The following FER variants were observed in gnomAD, a reference collection of about 807,000 sequenced individuals.
FER encodes tyrosine-protein kinase Fer.
A neutral mutation model predicts 111.0 loss-of-function variants in FER; 63 were observed. The observed-to-expected ratio is 0.57, with a 90% CI of 0.46 to 0.70. The LOEUF is 0.70. Ranked by LOEUF, FER falls within the 30% of genes least tolerant of loss-of-function variation. FER has a pLI of 0.00. For missense variants in FER, 914 were observed against 954.0 expected (o/e 0.96, Z 0.55); for synonymous variants, 327 against 313.9 (o/e 1.04, Z -0.44).
At chr5:109,052,130 CTTTCTTGTTCAG>C (rs2149929820) in intron 16 of FER, 1 of 1,605,374 alleles carries the variant, frequency 6.2e-7, no homozygotes, top group African/African-American at 1.3e-5. Context: ...AGTTCCTCCT[CTTTCTTGTTCAG>C]TTTCTCTTCC....
At chr5:108,993,642 A>AGGGTGAGGGCGT (rs1763612061) in intron 13 of FER, among the ~76,000 whole-genome samples, 1 of 146,696 alleles carries the variant, frequency 6.8e-6, no homozygotes, top group Non-Finnish European at 1.5e-5. Flanking sequence ...GGTGAGGGCG[A>AGGGTGAGGGCGT]GGGCGAGGGC....
chr5:108,952,565 A>G (rs1167698162), intron 11 of FER, among the ~76,000 whole-genome samples: 1 of 138,206 alleles, frequency 7.2e-6, no homozygotes, highest in Non-Finnish European at 1.7e-5. Context: ...GGAATAACAG[A>G]TCTTTGAGCT....
chr5:109,021,058 ATAATTT>A (rs1767859132), intron 13 of FER, among the ~76,000 whole-genome samples: 1 of 152,032 alleles, frequency 6.6e-6, no homozygotes, highest in South Asian at 2.1e-4. Flanking sequence ...ATTAAGTAGA[ATAATTT>A]TAGTGTAGCT....
chr5:109,051,966 G>A, intron 16 of FER: 1 of 1,588,540 alleles, frequency 6.3e-7, no homozygotes, highest in Non-Finnish European at 8.6e-7. Flanking sequence ...TCACCTCAAA[G>A]ATAGACTTGA....
chr5:108,935,610 A>G (rs550368962), intron 10 of FER, among the ~76,000 whole-genome samples: 1 of 152,270 alleles, frequency 6.6e-6, no homozygotes, highest in Admixed American at 6.5e-5. Flanking sequence ...TTAATTATCA[A>G]GAAAGTTCTC....
intron 9 of FER, chr5:108,894,421 G>T (rs1748715405): frequency 1.6e-6 from 1 of 611,844 alleles, no homozygotes; most frequent in Non-Finnish European, 2.5e-6. Flanking sequence ...GCTGGCAACT[G>T]CATGTATCGG....
At chr5:108,907,629 G>A (rs555256262) in intron 10 of FER, among the ~76,000 whole-genome samples, 1 of 152,120 alleles carries the variant, frequency 6.6e-6, no homozygotes, top group Non-Finnish European at 1.5e-5. Context: ...TAGTGCCATG[G>A]ATGTAGATAA....
intron 13 of FER, among the ~76,000 whole-genome samples, chr5:108,986,110 T>A (rs78998583): frequency 0.26 from 38,256 of 149,116 alleles, 5,184 homozygotes; most frequent in African/African-American, 0.36. Context: ...TTATTTTTTG[T>A]TTTTTTTATT....
rs537000843 is a variant in FER, at chr5:108,763,859, C to G, written c.-205-4234C>G. Among the ~76,000 whole-genome samples, 317 of 152,300 alleles carry G rather than the reference C, an allele frequency of 2.1e-3. 3 individuals carry two copies. Among genetic ancestry groups the G allele is most frequent in the African/African-American group, 7.1e-3 (294 of 41,562 alleles). ...GGGCAAAATATTTTCAGACATTTCT[C>G]CGTTTCTCTTCTCTTGGTTCTTTGT... On this transcript the variant is annotated intron_variant, in intron 1 of 19. Transcript: ENST00000281092.
intron 16 of FER, among the ~76,000 whole-genome samples, chr5:109,058,108 A>G (rs745557910): frequency 6.6e-6 from 1 of 152,192 alleles, no homozygotes; most frequent in African/African-American, 2.4e-5. Flanking sequence ...TAGAAATTAT[A>G]TGATTATTTA....
At chr5:109,011,807 A>G (rs920148743) in intron 13 of FER, among the ~76,000 whole-genome samples, 7 of 152,112 alleles carry the variant, frequency 4.6e-5, no homozygotes, top group African/African-American at 1.7e-4. Context: ...GGGACAAAAG[A>G]CCTCCAAAAC....
chr5:109,022,182 C>G lies in FER; in HGVS notation c.1657-15240C>G, dbSNP rs112022647. 7.2e-3 allele frequency among the ~76,000 whole-genome samples: 1,096 copies of G among 152,116 alleles called. 16 individuals carry two copies. Among genetic ancestry groups the G allele is most frequent in the African/African-American group, 0.025 (1,035 of 41,506 alleles). ...TAGATCTTCATATTTCCTGTTCCAG[C>G]AACCCTGAGCCCACTTCCATGCCCT... On this transcript the variant is annotated intron_variant, in intron 13 of 19. Transcript: ENST00000281092.
intron 2 of FER, among the ~76,000 whole-genome samples, chr5:108,794,636 A>C (rs1561430576): frequency 6.7e-6 from 1 of 149,364 alleles, no homozygotes; most frequent in Non-Finnish European, 1.5e-5. Flanking sequence ...TTTATGCTTA[A>C]AGGATATTTT....
In FER at chr5:109,160,182, G is replaced by T. The variant is rs367705025; in HGVS notation, c.2049-20565G>T. The stretch of plus-strand genomic sequence containing the variant: ...CCCTAAAATTAAAAATTAGCCTATG[G>T]AACTATACAGGTAACTCTTAGGATT... On this transcript the variant is annotated intron_variant, in intron 17 of 19. Transcript: ENST00000281092. 4.1e-4 allele frequency among the ~76,000 whole-genome samples: 62 copies of T among 152,150 alleles called. No homozygotes were observed. The South Asian group carries it at 5.2e-3, about 13-fold the overall frequency.
intron 17 of FER, among the ~76,000 whole-genome samples, chr5:109,133,947 A>G (rs1004653262): frequency 6.6e-6 from 1 of 151,952 alleles, no homozygotes; most frequent in Non-Finnish European, 1.5e-5. Flanking sequence ...TAATAATTGT[A>G]TCCTTAATTA....
chr5:109,181,726 A>C (rs983020795), intron 18 of FER, among the ~76,000 whole-genome samples: 4 of 152,232 alleles, frequency 2.6e-5, no homozygotes, highest in African/African-American at 9.6e-5. Context: ...TTCCCAAATT[A>C]GAGAAAGCTT....
At position 109,190,176 on chromosome 5, in the gene FER, A is replaced by G. The variant is rs1759277932; in HGVS notation, c.*2601A>G. ...TTGGAATTATATACTTTAGGAGGCT[A>G]ATCCATGCCCAGGAAGCACGAACAT... On this transcript the variant is annotated 3_prime_UTR_variant, in exon 20 of 20. Coordinates refer to ENST00000281092, the MANE Select transcript of FER (RefSeq NM_005246.4). The G allele has an allele frequency of 6.6e-6, 1 of 152,124 alleles. No individual in the cohort carries two copies. The highest frequency in any genetic ancestry group is 6.6e-5 in the Admixed American group (1 of 15,264). The allele number at this position is 152,124 out of a possible 1,614,324, so 9.4% of individuals were successfully genotyped here.
intron 13 of FER, among the ~76,000 whole-genome samples, chr5:108,965,953 A>G (rs1759753586): frequency 6.6e-6 from 1 of 152,198 alleles, no homozygotes; most frequent in Non-Finnish European, 1.5e-5. Flanking sequence ...ATAATATAAA[A>G]GAACCCTACC....
At position 108,844,107 on chromosome 5, in the gene FER, CAT is replaced by C. The variant is rs1491364967; in HGVS notation, c.481+8301_481+8302del. On this transcript the variant is annotated intron_variant, in intron 5 of 19. Coordinates refer to ENST00000281092, the MANE Select transcript of FER (RefSeq NM_005246.4). ...ATGCGTGTGAACATATGTGTGTGAA[CAT>C]GTGTGTGAACACATATATGTGTGTG... is the stretch of plus-strand genomic sequence containing the variant. Among the ~76,000 whole-genome samples the C allele has an allele frequency of 3.2e-3, 304 of 95,188 alleles. 7 individuals carry two copies. Among genetic ancestry groups the C allele is most frequent in the Middle Eastern group, 5.6e-3 (1 of 178 alleles). 62.4% of individuals were successfully genotyped at this position (95,188 alleles called of 152,430 possible).
Sources: allele counts gnomAD v4.1 joint callset (sites outside exome capture counted in the v4.1 genomes callset), GRCh38; gene constraint gnomAD v4.1.1; transcripts MANE v1.5; gene names NCBI Gene and HGNC (gene_info 2026-07-23, HGNC 2026-07-21).